Variants in PRORP observed in about 807,000 individuals in gnomAD.
PRORP encodes the protein protein only RNase P catalytic subunit.
In PRORP, 51 loss-of-function variants were observed where a neutral mutation model predicts 59.4. The ratio of observed to expected loss-of-function variants is 0.86; its 90% CI spans 0.69 to 1.08. The LOEUF is 1.08. PRORP is among the 50% of genes least tolerant of loss of function. PRORP has a pLI of 0.00. For missense variants in PRORP, 646 were observed against 690.3 expected (o/e 0.94, Z 0.72); for synonymous variants, 231 against 245.6 (o/e 0.94, Z 0.55).
At chr14:35,223,746 A>T (rs2049859653) in intron 5 of PRORP, among the ~76,000 whole-genome samples, 1 of 152,210 alleles carries the variant, frequency 6.6e-6, no homozygotes, top group Non-Finnish European at 1.5e-5. Flanking sequence ...GACGTGAGCC[A>T]CTGCACCTGG....
chr14:35,252,771 A>G (rs1224339522), intron 5 of PRORP, among the ~76,000 whole-genome samples: 1 of 152,168 alleles, frequency 6.6e-6, no homozygotes, highest in East Asian at 1.9e-4. Context: ...ATCAGGATGA[A>G]TGACTTCACA....
intron 5 of PRORP, among the ~76,000 whole-genome samples, chr14:35,256,155 G>A (rs137962484): frequency 0.048 from 7,238 of 150,040 alleles, 264 homozygotes; most frequent in African/African-American, 0.097. Context: ...GTGGTGGCAG[G>A]CACCTGTAAT....
intron 5 of PRORP, among the ~76,000 whole-genome samples, chr14:35,187,215 A>C (rs957439459): frequency 6.6e-6 from 1 of 152,094 alleles, no homozygotes; most frequent in Non-Finnish European, 1.5e-5. Context: ...CTCTGTGTTT[A>C]ATCTTTTGAA....
chr14:35,128,253 C>T (rs143838987), intron 4 of PRORP, among the ~76,000 whole-genome samples: 14 of 149,524 alleles, frequency 9.4e-5, no homozygotes, highest in African/African-American at 2.7e-4. Flanking sequence ...CAATATTCAT[C>T]AGAGATATTG....
chr14:35,148,911 ATTT>A (rs1186320988), intron 4 of PRORP, among the ~76,000 whole-genome samples: 1 of 82,840 alleles, frequency 1.2e-5, no homozygotes, highest in Non-Finnish European at 2.2e-5. Context: ...GCACTTTTTA[ATTT>A]TTTTTTTTTT....
At chr14:35,191,615 A>G (rs1053747780) in intron 5 of PRORP, among the ~76,000 whole-genome samples, 4 of 152,054 alleles carry the variant, frequency 2.6e-5, no homozygotes, top group African/African-American at 9.7e-5. Flanking sequence ...AGGCAGGAGG[A>G]TTGCTTGAGC....
chr14:35,256,897 G>A (rs1304236124), intron 5 of PRORP, among the ~76,000 whole-genome samples: 1 of 145,122 alleles, frequency 6.9e-6, no homozygotes, highest in Non-Finnish European at 1.5e-5. Flanking sequence ...TTTTGAGACC[G>A]AGTCTCGCTC....
chr14:35,241,856 A>G (rs1448597063), intron 5 of PRORP, among the ~76,000 whole-genome samples: 1 of 152,196 alleles, frequency 6.6e-6, no homozygotes, highest in Non-Finnish European at 1.5e-5. Flanking sequence ...AATCTAGAAG[A>G]TTAAAGAAGT....
At chr14:35,253,340 AAAAAG>A (rs903050203) in intron 5 of PRORP, among the ~76,000 whole-genome samples, 2 of 148,828 alleles carry the variant, frequency 1.3e-5, no homozygotes, top group African/African-American at 4.9e-5. Context: ...TCAAAAAAAA[AAAAAG>A]AGAGAGAGAG....
chr14:35,174,081 CATA>C (rs1237394572), intron 4 of PRORP, among the ~76,000 whole-genome samples: 1 of 152,144 alleles, frequency 6.6e-6, no homozygotes, highest in Non-Finnish European at 1.5e-5. Flanking sequence ...TCAGAAATCA[CATA>C]ATGTCACTTC....
At chr14:35,205,650 G>A (rs1037254412) in intron 5 of PRORP, among the ~76,000 whole-genome samples, 1 of 152,222 alleles carries the variant, frequency 6.6e-6, no homozygotes, top group Non-Finnish European at 1.5e-5. Flanking sequence ...GAGAAAAGCA[G>A]TTTCAGAAGT....
chr14:35,196,890 T>C (rs916524862), intron 5 of PRORP, among the ~76,000 whole-genome samples: 2 of 152,310 alleles, frequency 1.3e-5, no homozygotes, highest in Middle Eastern at 3.4e-3. Flanking sequence ...AATGATCAAC[T>C]GTCAGGTGGG....
In PRORP at chr14:35,185,901, T is replaced by C. The variant is rs1037057483; in HGVS notation, c.1275+5124T>C. ...AAACAAGATTATGGTATGAACTATA[T>C]GGATTAATGTACAATTTTGTTGGTT... is the stretch of plus-strand genomic sequence containing the variant. On this transcript the variant is annotated intron_variant, in intron 5 of 7. Coordinates refer to ENST00000534898, the MANE Select transcript of PRORP (RefSeq NM_014672.4). 1.2e-4 allele frequency among the ~76,000 whole-genome samples: 18 copies of C among 152,350 alleles called. 1 individual carries two copies. The highest frequency in any genetic ancestry group is 3.4e-3 in the Middle Eastern group (1 of 294).
chr14:35,139,802 G>T (rs912248782), intron 4 of PRORP, among the ~76,000 whole-genome samples: 1 of 145,932 alleles, frequency 6.9e-6, no homozygotes, highest in Non-Finnish European at 1.5e-5. Context: ...AATTCTGGAG[G>T]CTAGAAATCT....
intron 5 of PRORP, among the ~76,000 whole-genome samples, chr14:35,197,584 T>C (rs2049040229): frequency 6.6e-6 from 1 of 152,182 alleles, no homozygotes; most frequent in South Asian, 2.1e-4. Context: ...TTAAGATCAG[T>C]TGATTAAGAT....
rs905615011 is a variant in PRORP, at chr14:35,179,293, C to A, written c.1168-1377C>A. 8.8e-4 allele frequency among the ~76,000 whole-genome samples: 134 copies of A among 152,268 alleles called. 1 individual carries two copies. The highest frequency in any genetic ancestry group is 8.1e-4 in the Non-Finnish European group (55 of 68,004). ...CTGAATTTGAATGGTGGCCTGCCTG[C>A]TAGGTTGGGGAAGTTCTCCTGGATA... On this transcript the variant is annotated intron_variant, in intron 4 of 7. Transcript: ENST00000534898.
chr14:35,157,342 C>A (rs2047942063), intron 4 of PRORP, among the ~76,000 whole-genome samples: 1 of 152,192 alleles, frequency 6.6e-6, no homozygotes, highest in South Asian at 2.1e-4. Context: ...CTTCCCAAGT[C>A]ATTCACCATT....
rs571296425 is a variant in PRORP at position 35,257,163 on chromosome 14, C to T, written c.1276-9564C>T. On this transcript the variant is annotated intron_variant, in intron 5 of 7. Transcript: ENST00000534898. ...GTGCTGGCATTACAGGCATGAGCCA[C>T]TGTGTCTGGCCTGATAAAATCTTTT... Among the ~76,000 whole-genome samples, 4 of 152,318 alleles carry T rather than the reference C, an allele frequency of 2.6e-5. No homozygotes were observed. The South Asian group carries it at 8.3e-4, about 32-fold the overall frequency.
In PRORP at chr14:35,184,548, G is replaced by A. The variant is rs143320892; in HGVS notation, c.1275+3771G>A. On this transcript the variant is annotated intron_variant, in intron 5 of 7. Coordinates refer to ENST00000534898, the MANE Select transcript of PRORP (RefSeq NM_014672.4). ...AAAAACTTTTATTTTAAGCTTGGGG[G>A]TACATGGGAAGGTTTGTTACATACA... 5.6e-3 allele frequency among the ~76,000 whole-genome samples: 852 copies of A among 152,084 alleles called. 5 individuals are homozygous for A. The highest frequency in any genetic ancestry group is 0.02 in the Middle Eastern group (6 of 294).
Sources: allele counts gnomAD v4.1 joint callset (sites outside exome capture counted in the v4.1 genomes callset), GRCh38; gene constraint gnomAD v4.1.1; transcripts MANE v1.5; gene names NCBI Gene and HGNC (gene_info 2026-07-23, HGNC 2026-07-21).